GPC5: variants seen among roughly 807,000 people sequenced by gnomAD.
The protein encoded by GPC5 is glypican-5.
A neutral mutation model predicts 53.9 loss-of-function variants in GPC5; 47 were observed. The ratio of observed to expected loss-of-function variants is 0.87; its 90% confidence interval spans 0.69 to 1.11. The LOEUF is 1.11. Among genes scored for constraint, GPC5 ranks in the 50% most tolerant of loss-of-function variants. The pLI, the probability that GPC5 is intolerant of heterozygous loss-of-function variation, is 0.00. For missense variants in GPC5, 748 were observed against 713.1 expected (o/e 1.05, Z -0.56); for synonymous variants, 286 against 263.3 (o/e 1.09, Z -0.84).
chr13:91,538,396 TAAG>T (rs1886684101), intron 2 of GPC5, among the ~76,000 whole-genome samples: 1 of 152,124 alleles, frequency 6.6e-6, no homozygotes, highest in African/African-American at 2.4e-5. Context: ...AGGAATAACT[TAAG>T]AAAAAGTATT....
chr13:92,356,850 C>T (rs537288946), intron 7 of GPC5, among the ~76,000 whole-genome samples: 4 of 152,286 alleles, frequency 2.6e-5, no homozygotes, highest in African/African-American at 9.6e-5. Flanking sequence ...TTGTTTGATA[C>T]TCTTCCTCCT....
chr13:92,631,943 T>C (rs1439205397), intron 7 of GPC5, among the ~76,000 whole-genome samples: 1 of 152,184 alleles, frequency 6.6e-6, no homozygotes, highest in African/African-American at 2.4e-5. Context: ...TATATGCAAA[T>C]ATTCCAAAAT....
chr13:91,750,385 A>G (rs1324078252), intron 4 of GPC5, among the ~76,000 whole-genome samples: 1 of 152,208 alleles, frequency 6.6e-6, no homozygotes, highest in African/African-American at 2.4e-5. Context: ...CAGTCCCTGA[A>G]GGATAATTAG....
chr13:92,479,134 G>T (rs551481073), intron 7 of GPC5, among the ~76,000 whole-genome samples: 19 of 152,256 alleles, frequency 1.2e-4, no homozygotes, highest in African/African-American at 4.3e-4. Context: ...ATATAGAATT[G>T]AAAGTCCTAT....
chr13:92,086,709 A>AG (rs1293222432), intron 6 of GPC5, among the ~76,000 whole-genome samples: 1 of 150,536 alleles, frequency 6.6e-6, no homozygotes, highest in Non-Finnish European at 1.5e-5. Flanking sequence ...CCTAGGCTGG[A>AG]GTGCAGTGGA....
chr13:92,524,116 C>T (rs1043204233), intron 7 of GPC5, among the ~76,000 whole-genome samples: 2 of 152,038 alleles, frequency 1.3e-5, no homozygotes, highest in Non-Finnish European at 2.9e-5. Flanking sequence ...TCAATTGATG[C>T]TTCCTTTCAT....
intron 6 of GPC5, among the ~76,000 whole-genome samples, chr13:92,078,262 C>T (rs1364540074): frequency 6.6e-6 from 1 of 152,196 alleles, no homozygotes; most frequent in African/African-American, 2.4e-5. Context: ...CGTCATTTTA[C>T]AGTGAGTCTC....
intron 3 of GPC5, among the ~76,000 whole-genome samples, chr13:91,711,089 AT>A (rs1302722989): frequency 1.3e-5 from 2 of 152,196 alleles, no homozygotes; most frequent in Non-Finnish European, 2.9e-5. Flanking sequence ...TTGACCCAGC[AT>A]TCCCATTGCT....
chr13:92,622,080 C>T (rs1396999179), intron 7 of GPC5, among the ~76,000 whole-genome samples: 5 of 152,162 alleles, frequency 3.3e-5, no homozygotes, highest in African/African-American at 4.8e-5. Flanking sequence ...CCTGTTTGCC[C>T]GTGGGATGGT....
At chr13:92,796,999 G>A (rs1433934505) in intron 7 of GPC5, among the ~76,000 whole-genome samples, 1 of 152,018 alleles carries the variant, frequency 6.6e-6, no homozygotes, top group South Asian at 2.1e-4. Flanking sequence ...GAAATAAAAT[G>A]TGTATAGATT....
chr13:92,587,135 TA>T (rs575065010), intron 7 of GPC5, among the ~76,000 whole-genome samples: 8 of 152,248 alleles, frequency 5.3e-5, no homozygotes, highest in Non-Finnish European at 1.0e-4. Context: ...TACTCCTAAG[TA>T]AAATGTTGAC....
At chr13:91,711,553 T>C (rs1444103960) in intron 3 of GPC5, among the ~76,000 whole-genome samples, 1 of 152,134 alleles carries the variant, frequency 6.6e-6, no homozygotes, top group African/African-American at 2.4e-5. Flanking sequence ...TGTATACATA[T>C]GTATCAAACC....
At chr13:91,567,776 C>T (rs980067252) in intron 2 of GPC5, among the ~76,000 whole-genome samples, 8 of 152,120 alleles carry the variant, frequency 5.3e-5, no homozygotes, top group Non-Finnish European at 1.5e-5. Flanking sequence ...CTTTAGAAAG[C>T]CTTAGTCTTA....
intron 6 of GPC5, among the ~76,000 whole-genome samples, chr13:91,963,862 CTTT>C (rs1566366391): frequency 6.6e-6 from 1 of 152,140 alleles, no homozygotes; most frequent in East Asian, 1.9e-4. Flanking sequence ...TCATAGAACA[CTTT>C]CTTCGTACAA....
At chr13:92,068,277 A>T (rs2138861624) in intron 6 of GPC5, among the ~76,000 whole-genome samples, 1 of 152,026 alleles carries the variant, frequency 6.6e-6, no homozygotes, top group East Asian at 1.9e-4. Flanking sequence ...AAATTAACAA[A>T]ATATTGATTC....
intron 7 of GPC5, among the ~76,000 whole-genome samples, chr13:92,735,783 C>T (rs552152806): frequency 6.6e-6 from 1 of 152,106 alleles, no homozygotes; most frequent in Non-Finnish European, 1.5e-5. Context: ...ACAATGCCAT[C>T]ATCATGGACT....
chr13:92,166,956 T>TCACACACA (rs199854897), intron 7 of GPC5, among the ~76,000 whole-genome samples: 1 of 84,708 alleles, frequency 1.2e-5, no homozygotes, highest in Non-Finnish European at 2.4e-5. Flanking sequence ...TCTCTCTCTC[T>TCACACACA]CACACACACA....
At chr13:91,449,432 G>A (rs1446125360) in intron 2 of GPC5, among the ~76,000 whole-genome samples, 2 of 152,040 alleles carry the variant, frequency 1.3e-5, no homozygotes, top group Non-Finnish European at 2.9e-5. Flanking sequence ...GTGCCATGGT[G>A]GTTTGCTGCA....
At chr13:92,363,282 A>T (rs2043582740) in intron 7 of GPC5, among the ~76,000 whole-genome samples, 1 of 151,598 alleles carries the variant, frequency 6.6e-6, no homozygotes, top group Admixed American at 6.6e-5. Context: ...TACTGGATAG[A>T]ATTGTCAGAA....
Sources: gnomAD v4.1 joint callset for allele counts (sites outside exome capture counted in the v4.1 genomes callset) on GRCh38, gnomAD v4.1.1 for gene constraint, MANE v1.5 for transcripts, NCBI Gene and HGNC (gene_info 2026-07-23, HGNC 2026-07-21) for gene names.